CDKN2A: variants seen among roughly 807,000 people sequenced by gnomAD.
The protein encoded by CDKN2A is cyclin dependent kinase inhibitor 2A.
CDKN2A carries 3 observed loss-of-function variants against 11.1 expected under a neutral mutation model. That is an observed-to-expected ratio of 0.27 (90% confidence interval 0.12 to 0.70). The LOEUF is 0.70. Ranked by LOEUF, CDKN2A falls within the 30% of genes least tolerant of loss-of-function variation. The pLI, the probability that CDKN2A is intolerant of heterozygous loss-of-function variation, is 0.77. For missense variants in CDKN2A, 265 were observed against 233.6 expected (o/e 1.13, Z -0.88); for synonymous variants, 122 against 108.1 (o/e 1.13, Z -0.80).
chr9:21,975,854 C>G (rs183120267), upstream of CDKN2A, among the ~76,000 whole-genome samples: 1 of 152,332 alleles, frequency 6.6e-6, no homozygotes, highest in African/African-American at 2.4e-5. Flanking sequence ...GTCTCCTTCA[C>G]ACTTCTCACA....
intron 2 of CDKN2A, among the ~76,000 whole-genome samples, chr9:21,980,754 T>A (rs1820153300): frequency 6.6e-6 from 1 of 150,828 alleles, no homozygotes; most frequent in Admixed American, 6.6e-5. Flanking sequence ...GGTCAGGAGA[T>A]CTAGACCATC....
chr9:21,993,593 A>G (rs1181624993), intron 2 of CDKN2A, among the ~76,000 whole-genome samples: 2 of 152,098 alleles, frequency 1.3e-5, no homozygotes, highest in Admixed American at 6.5e-5. Flanking sequence ...CGCAGCAGTA[A>G]CTGATCCTAC....
intron 2 of CDKN2A, among the ~76,000 whole-genome samples, chr9:21,985,368 G>T (rs989262508): frequency 1.3e-5 from 2 of 151,836 alleles, no homozygotes; most frequent in Non-Finnish European, 2.9e-5. Context: ...ATAACTGAAG[G>T]TCACCCTCCA....
At chr9:21,978,562 A>C (rs987288275), upstream of CDKN2A, among the ~76,000 whole-genome samples, 1 of 152,204 alleles carries the variant, frequency 6.6e-6, no homozygotes, top group African/African-American at 2.4e-5. Flanking sequence ...TAAATTTACT[A>C]AAGTTTGTTG....
intron 2 of CDKN2A, chr9:21,992,559 C>G (rs1587355933): frequency 4.3e-6 from 2 of 465,088 alleles, no homozygotes; most frequent in African/African-American, 4.2e-5. Flanking sequence ...CATTAACATA[C>G]TATAAAATAT....
chr9:21,974,789 A>C lies in CDKN2A; in HGVS notation c.39T>G (p.Ala13=), dbSNP rs786201931. ...GGGCCGCGGCCGTGGCCAGCCAGTC[A>C]GCCGAAGGCTCCATGCTGCTCCCCG... ...PAAGSSMEPS[A]DWLATAAARG... is the part of the protein sequence containing the mutation. The change falls in exon 1 of 3, where the codon GCT becomes GCG. Residue 13 remains alanine, a synonymous_variant. Transcript: ENST00000304494. This position sits in a 1 kb window ranked among gnomAD's most constrained non-coding sequence, Gnocchi z 5.2. The C allele has an allele frequency of 1.9e-6, 3 of 1,607,248 alleles. No individual in the cohort carries two copies. In the African/African-American group the frequency reaches 4.0e-5, roughly 21 times the overall value.
At chr9:21,984,230 C>T (rs986826978) in intron 2 of CDKN2A, among the ~76,000 whole-genome samples, 1 of 151,838 alleles carries the variant, frequency 6.6e-6, no homozygotes, top group Non-Finnish European at 1.5e-5. Flanking sequence ...AATTCTAACC[C>T]TCTGAAAAAA....
At position 21,994,419 on chromosome 9, in the gene CDKN2A, C is replaced by T. The variant is rs1234805040; in HGVS notation, c.-175-366G>A. On this transcript the variant is annotated intron_variant, in intron 1 of 3. Transcript: ENST00000494262. ...AGCAGCGCCACTCCTGCCCCCTTAA[C>T]TGCAGACTGGGACCCACGCACCGCC... 6 of 1,603,578 alleles carry T rather than the reference C, an allele frequency of 3.7e-6. No homozygotes were observed. The Admixed American group carries it at 8.4e-5, about 23-fold the overall frequency.
intron 2 of CDKN2A, among the ~76,000 whole-genome samples, chr9:21,969,213 C>A (rs374252811): frequency 3.9e-5 from 6 of 152,052 alleles, no homozygotes; most frequent in Admixed American, 6.6e-5. Flanking sequence ...CATGGTGAGA[C>A]CTTCGTCTCT....
At position 21,968,060 on chromosome 9, in the gene CDKN2A, G is replaced by A. The variant is rs1202154930; in HGVS notation, c.*169C>T. On this transcript the variant is annotated 3_prime_UTR_variant, in exon 3 of 3. Transcript: ENST00000304494. The surrounding 1 kb of genome is among the most constrained non-coding windows in gnomAD (Gnocchi z 4.7). Reference sequence around the variant, plus strand: ...ATAAATGGACATTTACGGTAGTGGGGGAAGGCATATATCTACGTTAAAAGG... The same window carrying A: ...ATAAATGGACATTTACGGTAGTGGGAGAAGGCATATATCTACGTTAAAAGG... 6.0e-6 allele frequency: 4 copies of A among 665,370 alleles called. No individual in the cohort carries two copies. The African/African-American group carries it at 7.3e-5, about 12-fold the overall frequency. The allele number at this position is 665,370 out of a possible 1,614,324, so 41.2% of individuals were successfully genotyped here.
chr9:21,971,140 G>C lies in CDKN2A; in HGVS notation c.219C>G (p.Ala73=), dbSNP rs730881679. The part of the protein sequence containing the change: ...LLLHGAEPNC[A]DPATLTRPVH... ...CGGGTCGGGTGAGAGTGGCGGGGTCGGCGCAGTTGGGCTCCGCGCCGTGGA... is the reference window on the plus strand; with the variant it reads ...CGGGTCGGGTGAGAGTGGCGGGGTCCGCGCAGTTGGGCTCCGCGCCGTGGA... The change falls in exon 2 of 3, where the codon GCC becomes GCG. Residue 73 remains alanine (A), a synonymous_variant. Coordinates refer to ENST00000304494, the MANE Select transcript of CDKN2A (RefSeq NM_000077.5). 2 of 1,593,060 alleles carry C rather than the reference G, an allele frequency of 1.3e-6. No individual in the cohort carries two copies. Among genetic ancestry groups the C allele is most frequent in the Non-Finnish European group, 1.7e-6 (2 of 1,175,956 alleles).
Position 21,974,593 on chromosome 9 carries a change from C to T in CDKN2A, c.150+85G>A, listed in dbSNP as rs2131110734. 2 of 1,614,028 alleles carry T rather than the reference C, an allele frequency of 1.2e-6. No individual in the cohort carries two copies. The highest frequency in any genetic ancestry group is 1.7e-6 in the Non-Finnish European group (2 of 1,180,012). On this transcript the variant is annotated intron_variant, in intron 1 of 2. Transcript: ENST00000304494. The surrounding 1 kb of genome is among the most constrained non-coding windows in gnomAD (Gnocchi z 5.2). ...CTCCCCTTTTTCCGGAGAATCGAAGCGCTACCTGATTCCAATTCCCCTGCA... is the reference window on the plus strand; with the variant it reads ...CTCCCCTTTTTCCGGAGAATCGAAGTGCTACCTGATTCCAATTCCCCTGCA...
In CDKN2A at chr9:21,974,281, AG is replaced by A. The variant is rs1213542306; in HGVS notation, c.150+396del. On this transcript the variant is annotated intron_variant, in intron 1 of 2. Coordinates refer to ENST00000304494, the MANE Select transcript of CDKN2A (RefSeq NM_000077.5). This position sits in a 1 kb window ranked among gnomAD's most constrained non-coding sequence, Gnocchi z 5.2. ...CACTGATAATCCCTCCTAGTAAGAA[AG>A]ATAAGCTCCATCCAGGTATCTGTGA... is the stretch of plus-strand genomic sequence containing the variant. 4 of 648,470 alleles carry A rather than the reference AG, an allele frequency of 6.2e-6. No individual in the cohort carries two copies. The Admixed American group carries it at 1.0e-4, about 16-fold the overall frequency. The allele number at this position is 648,470 out of a possible 1,614,324, so 40.2% of individuals were successfully genotyped here. A position where few individuals can be genotyped will look rare whatever the true frequency, so the allele number is the denominator to read the frequency against.
Position 21,991,522 on chromosome 9 carries a change from G to T in CDKN2A, c.-4+2360C>A. On this transcript the variant is annotated intron_variant, in intron 2 of 3. Coordinates refer to the CDKN2A transcript ENST00000494262. This position sits in a 1 kb window ranked among gnomAD's most constrained non-coding sequence, Gnocchi z 5.2. The stretch of plus-strand genomic sequence containing the variant: ...TTTCTCCAAGGACTTTTGAAAAAGT[G>T]TAAAAGCACTGGGCCCACTGTTGAA... 1 of 326,242 alleles carries T rather than the reference G, an allele frequency of 3.1e-6. No individual in the cohort carries two copies. Among genetic ancestry groups the T allele is most frequent in the Non-Finnish European group, 4.4e-6 (1 of 227,612 alleles). The allele number at this position is 326,242 out of a possible 1,614,324, so 20.2% of individuals were successfully genotyped here.
intron 2 of CDKN2A, among the ~76,000 whole-genome samples, chr9:21,986,064 G>A (rs893702279): frequency 1.3e-5 from 2 of 151,846 alleles, no homozygotes; most frequent in Non-Finnish European, 1.5e-5. Flanking sequence ...CTCTTATTAC[G>A]GGACTACCAT....
At chr9:21,970,774 C>G in intron 2 of CDKN2A, 128 bp downstream of exon 2, 1 of 1,196,956 alleles carries the variant, frequency 8.4e-7, no homozygotes, top group Non-Finnish European at 1.2e-6. Context: ...GGCCGTCCCA[C>G]CGATTGGCGC....
chr9:21,991,821 C>T lies in CDKN2A; in HGVS notation c.-4+2061G>A, dbSNP rs957742858. ...TGAAAGGGCTATGGTTCACTTGGAA[C>T]ACAATACAAACTGTGAATCATGTAC... On this transcript the variant is annotated intron_variant, in intron 2 of 3. Transcript: ENST00000494262. This position sits in a 1 kb window ranked among gnomAD's most constrained non-coding sequence, Gnocchi z 5.2. 4 of 985,046 alleles carry T rather than the reference C, an allele frequency of 4.1e-6. No homozygotes were observed. Among genetic ancestry groups the T allele is most frequent in the Non-Finnish European group, 4.8e-6 (4 of 829,634 alleles). The allele number at this position is 985,046 out of a possible 1,614,324, so 61.0% of individuals were successfully genotyped here.
At chr9:21,982,412 G>GTGTA (rs371697348) in intron 2 of CDKN2A, among the ~76,000 whole-genome samples, 1 of 152,014 alleles carries the variant, frequency 6.6e-6, no homozygotes, top group African/African-American at 2.4e-5. Flanking sequence ...TATCTCTAGG[G>GTGTA]TGTACTCTTG....
At chr9:21,975,363 T>C (rs1416762629), upstream of CDKN2A, among the ~76,000 whole-genome samples, 1 of 152,104 alleles carries the variant, frequency 6.6e-6, no homozygotes, top group Non-Finnish European at 1.5e-5. Flanking sequence ...ATAGGGAAAG[T>C]ATGGCTTCTT....
Sources: allele counts gnomAD v4.1 joint callset (sites outside exome capture counted in the v4.1 genomes callset), GRCh38; gene constraint gnomAD v4.1.1; non-coding constraint Gnocchi (gnomAD v3.1); transcripts MANE v1.5; gene names NCBI Gene and HGNC (gene_info 2026-07-23, HGNC 2026-07-21).